The following ADGRV1 variants were observed in gnomAD, a reference collection of about 807,000 sequenced individuals.
ADGRV1 encodes G-protein coupled receptor 98.
A neutral mutation model predicts 596.2 loss-of-function variants in ADGRV1; 359 were observed. That is an observed-to-expected ratio of 0.60 (90% confidence interval 0.55 to 0.66). The LOEUF (loss-of-function observed/expected upper bound fraction) is 0.66, where lower values mean the gene tolerates loss of function less well. Among genes scored for constraint, ADGRV1 ranks in the 30% least tolerant of loss-of-function variants. ADGRV1 has a pLI of 0.00. For synonymous variants in ADGRV1, 2,681 were observed against 2,679.2 expected, an observed-to-expected ratio of 1.00 and a Z score of -0.02; for missense variants, 7,274 against 7,575.6, an observed-to-expected ratio of 0.96 and a Z score of 1.48.
intron 85 of ADGRV1, among the ~76,000 whole-genome samples, chr5:91,027,888 G>A (rs1229449948): frequency 6.6e-6 from 1 of 152,118 alleles, no homozygotes; most frequent in East Asian, 1.9e-4. Flanking sequence ...CAAAGAGCCT[G>A]CTGGTTTTTA....
intron 87 of ADGRV1, among the ~76,000 whole-genome samples, chr5:91,118,820 A>G (rs1203157965): frequency 6.6e-6 from 1 of 152,134 alleles, no homozygotes; most frequent in Non-Finnish European, 1.5e-5. Context: ...GGCATAGAGA[A>G]TGGCACCAGT....
intron 1 of ADGRV1, among the ~76,000 whole-genome samples, chr5:90,564,557 A>G (rs1755288468): frequency 6.6e-6 from 1 of 152,124 alleles, no homozygotes; most frequent in African/African-American, 2.4e-5. Flanking sequence ...AAATTGATAG[A>G]TAATTCACAT....
At chr5:91,109,602 C>T (rs568712112) in intron 87 of ADGRV1, among the ~76,000 whole-genome samples, 206 of 152,280 alleles carry the variant, frequency 1.4e-3, no homozygotes, top group African/African-American at 3.9e-3. Flanking sequence ...GTGGCTGCCA[C>T]GGTGCAAGAC....
rs544213444 is a variant in ADGRV1 at position 90,570,244 on chromosome 5, C to T, written c.22+11327C>T. ...ATCCTTGGTTTATTGTCTTTCAGCA[C>T]TTTGAATACATCACTGCCTTCTAGC... On this transcript the variant is annotated intron_variant, in intron 1 of 89. Transcript: ENST00000405460. Among the ~76,000 whole-genome samples the T allele has an allele frequency of 3.9e-5, 6 of 152,222 alleles. No individual in the cohort carries two copies. In the South Asian group the frequency reaches 1.2e-3, roughly 32 times the overall value.
intron 83 of ADGRV1, among the ~76,000 whole-genome samples, chr5:90,957,629 A>G (rs999632268): frequency 2.0e-5 from 3 of 148,058 alleles, no homozygotes; most frequent in Non-Finnish European, 4.5e-5. Flanking sequence ...TATGTTATAT[A>G]TTTTACATAT....
intron 5 of ADGRV1, 116 bp from the exon 6 acceptor site, chr5:90,625,014 A>G: frequency 1.5e-6 from 1 of 654,418 alleles, no homozygotes; most frequent in South Asian, 1.9e-5. Flanking sequence ...GGGTTAGTGT[A>G]ATTCTTGCAG....
chr5:90,718,388 G>T (rs1173901808), intron 43 of ADGRV1: 6 of 152,022 alleles, frequency 3.9e-5, no homozygotes, highest in Non-Finnish European at 7.4e-5. Context: ...GCTATCTGTT[G>T]TTTCCACCTT....
intron 21 of ADGRV1, among the ~76,000 whole-genome samples, chr5:90,659,124 T>C (rs1769863862): frequency 6.6e-6 from 1 of 152,184 alleles, no homozygotes; most frequent in South Asian, 2.1e-4. Context: ...AGCCCTTTGG[T>C]TTGGTGGCAG....
Position 90,627,208 on chromosome 5 carries a change from C to A in ADGRV1, c.673-3C>A, listed in dbSNP as rs750246488. 1 of 1,497,598 alleles carries A rather than the reference C, an allele frequency of 6.7e-7. No individual in the cohort carries two copies. Among genetic ancestry groups the A allele is most frequent in the Non-Finnish European group, 8.9e-7 (1 of 1,120,710 alleles). The allele number at this position is 1,497,598 out of a possible 1,614,324, so 92.8% of individuals were successfully genotyped here. On this transcript the variant is annotated splice_region_variant and splice_polypyrimidine_tract_variant and intron_variant, in intron 6 of 89. Coordinates refer to ENST00000405460, the MANE Select transcript of ADGRV1 (RefSeq NM_032119.4). Reference sequence around the variant, plus strand: ...TTTGCCTCTGTTTATATTCCTTTAACAGGTACCAGAAAATGATGAAATATT... The same window carrying A: ...TTTGCCTCTGTTTATATTCCTTTAAAAGGTACCAGAAAATGATGAAATATT...
chr5:91,080,323 A>G (rs1377497146), intron 86 of ADGRV1, among the ~76,000 whole-genome samples: 1 of 152,120 alleles, frequency 6.6e-6, no homozygotes, highest in Admixed American at 6.6e-5. Flanking sequence ...GATTTCCTCT[A>G]GTCAGACAAG....
chr5:91,135,551 C>T (rs1005295131), intron 87 of ADGRV1, among the ~76,000 whole-genome samples: 11 of 152,178 alleles, frequency 7.2e-5, no homozygotes, highest in Admixed American at 4.6e-4. Context: ...TGATACATTT[C>T]GACCCATTTC....
chr5:90,920,784 A>AT (rs1416920106), intron 83 of ADGRV1, among the ~76,000 whole-genome samples: 1 of 152,172 alleles, frequency 6.6e-6, no homozygotes, highest in African/African-American at 2.4e-5. Flanking sequence ...TACACATTCC[A>AT]TTTTTTAAAA....
intron 4 of ADGRV1, among the ~76,000 whole-genome samples, chr5:90,620,938 A>C (rs1168290589): frequency 6.6e-6 from 1 of 152,184 alleles, no homozygotes; most frequent in Non-Finnish European, 1.5e-5. Context: ...TATTTTCTGA[A>C]GATTGAAACT....
At chr5:90,914,415 T>C (rs982915378) in intron 83 of ADGRV1, among the ~76,000 whole-genome samples, 2 of 152,180 alleles carry the variant, frequency 1.3e-5, no homozygotes, top group African/African-American at 4.8e-5. Flanking sequence ...ATACTCTTCT[T>C]GTCCCTATTT....
intron 57 of ADGRV1, 65 bp from the exon 58 acceptor site, chr5:90,759,341 TTCC>T (rs1258758295): frequency 3.6e-5 from 42 of 1,157,232 alleles, no homozygotes; most frequent in Non-Finnish European, 4.9e-5. Context: ...CATTATTTCT[TTCC>T]TCATTTCCTA....
chr5:90,793,644 C>A (rs973967984), intron 70 of ADGRV1, among the ~76,000 whole-genome samples: 1 of 152,144 alleles, frequency 6.6e-6, no homozygotes, highest in Non-Finnish European at 1.5e-5. Flanking sequence ...GTGCACTTTT[C>A]ATTTCATTTG....
intron 11 of ADGRV1, 96 bp downstream of exon 11, chr5:90,638,044 TAA>T (rs200404754): frequency 9.3e-6 from 7 of 751,318 alleles, no homozygotes; most frequent in South Asian, 2.4e-5. Context: ...CTATATAAAG[TAA>T]AAAAAAAAGT....
chr5:91,154,634 C>T (rs1270942431), intron 89 of ADGRV1, among the ~76,000 whole-genome samples: 1 of 152,162 alleles, frequency 6.6e-6, no homozygotes, highest in African/African-American at 2.4e-5. Context: ...TGAAGAAATA[C>T]TGGAAACTGG....
chr5:90,583,883 A>C (rs115975432), intron 1 of ADGRV1, among the ~76,000 whole-genome samples: 5 of 152,186 alleles, frequency 3.3e-5, no homozygotes, highest in African/African-American at 1.2e-4. Flanking sequence ...TTAATACGAT[A>C]GGTGCTATAG....
Sources: allele counts gnomAD v4.1 joint callset (sites outside exome capture counted in the v4.1 genomes callset), GRCh38; gene constraint gnomAD v4.1.1; transcripts MANE v1.5; gene names NCBI Gene and HGNC (gene_info 2026-07-23, HGNC 2026-07-21).